NALCN: variants seen among roughly 807,000 people sequenced by gnomAD.
NALCN encodes sodium leak channel NALCN.
A neutral mutation model predicts 225.3 loss-of-function variants in NALCN; 111 were observed. The observed-to-expected ratio is 0.49, with a 90% confidence interval of 0.42 to 0.58. The LOEUF is 0.58. Ranked by LOEUF, NALCN falls within the 20% of genes least tolerant of loss-of-function variation. The pLI is 0.00. For synonymous variants in NALCN, 764 were observed against 769.0 expected (o/e 0.99, Z 0.11); for missense variants, 1,378 against 2,202.4 (o/e 0.63, Z 7.49).
chr13:101,228,147 C>T (rs1414512915), intron 13 of NALCN, among the ~76,000 whole-genome samples: 1 of 150,892 alleles, frequency 6.6e-6, no homozygotes, highest in Non-Finnish European at 1.5e-5. Context: ...GCTTTAAAGG[C>T]ACTCGACAAA....
At chr13:101,234,854 TCTACCTATCTATCTATC>T (rs2041491753) in intron 12 of NALCN, among the ~76,000 whole-genome samples, 2 of 84,744 alleles carry the variant, frequency 2.4e-5, no homozygotes, top group Non-Finnish European at 4.5e-5. Context: ...CTATCTATCA[TCTACCTATCTATCTATC>T]TATCATCTGT....
chr13:101,230,004 T>G (rs1323520068), intron 12 of NALCN, among the ~76,000 whole-genome samples: 2 of 152,206 alleles, frequency 1.3e-5, no homozygotes, highest in Non-Finnish European at 2.9e-5. Flanking sequence ...ACCTTTGCTT[T>G]ATGATGGTTC....
intron 20 of NALCN, 21 bp downstream of exon 20, chr13:101,110,598 A>G (rs1272064042): frequency 6.2e-7 from 1 of 1,613,126 alleles, no homozygotes; most frequent in East Asian, 2.2e-5. Flanking sequence ...TCTGAAATCC[A>G]AAGCATTGCT....
chr13:101,124,560 T>G, intron 18 of NALCN, 48 bp downstream of exon 18: 2 of 1,507,472 alleles, frequency 1.3e-6, no homozygotes, highest in Non-Finnish European at 1.8e-6. Flanking sequence ...TTTCGATTAA[T>G]ATAATCCCAC....
intron 10 of NALCN, 85 bp downstream of exon 10, chr13:101,283,848 G>T: frequency 2.6e-6 from 3 of 1,159,084 alleles, no homozygotes; most frequent in East Asian, 2.6e-5. Context: ...CAAATCTAGA[G>T]CTTAAAGAGC....
intron 10 of NALCN, among the ~76,000 whole-genome samples, chr13:101,278,052 C>T (rs929645944): frequency 1.3e-5 from 2 of 152,208 alleles, no homozygotes; most frequent in East Asian, 3.9e-4. Context: ...CAAAGTCCCA[C>T]TTTGAACAAA....
At chr13:101,274,826 G>A (rs2042919425) in intron 10 of NALCN, among the ~76,000 whole-genome samples, 1 of 152,072 alleles carries the variant, frequency 6.6e-6, no homozygotes. Context: ...ATAAGATTTA[G>A]AAGTTTGACA....
intron 1 of NALCN, among the ~76,000 whole-genome samples, chr13:101,400,580 T>TGCGCGC (rs1555347166): frequency 7.4e-6 from 1 of 135,664 alleles, no homozygotes; most frequent in Non-Finnish European, 1.5e-5. Flanking sequence ...TGTGTGTGTG[T>TGCGCGC]GCACGTGTGT....
At chr13:101,090,513 G>A (rs1382104693) in intron 28 of NALCN, among the ~76,000 whole-genome samples, 1 of 152,178 alleles carries the variant, frequency 6.6e-6, no homozygotes, top group Non-Finnish European at 1.5e-5. Context: ...CTGGAAAGTA[G>A]TGATGCATTT....
At chr13:101,328,486 A>G (rs183662839) in intron 7 of NALCN, among the ~76,000 whole-genome samples, 437 of 152,162 alleles carry the variant, frequency 2.9e-3, no homozygotes, top group Admixed American at 5.0e-3. Context: ...AAAGTACTGT[A>G]TATTTTTAAA....
chr13:101,417,085 A>G (rs1230369739), upstream of NALCN, among the ~76,000 whole-genome samples: 1 of 152,120 alleles, frequency 6.6e-6, no homozygotes, highest in Non-Finnish European at 1.5e-5. Context: ...TCAGAAATTG[A>G]CAGTCCCCCA....
At chr13:101,063,074 A>G (rs922730960) in intron 40 of NALCN, among the ~76,000 whole-genome samples, 6 of 152,228 alleles carry the variant, frequency 3.9e-5, no homozygotes, top group African/African-American at 1.4e-4. Context: ...GTCCACCACC[A>G]GAGGAGAAGA....
At chr13:101,090,396 A>C (rs1365266577) in intron 28 of NALCN, among the ~76,000 whole-genome samples, 1 of 152,228 alleles carries the variant, frequency 6.6e-6, no homozygotes. Context: ...TTTGTAACTG[A>C]AAATCTTTCG....
chr13:101,055,517 C>G (rs1224631559), intron 43 of NALCN, 29 bp from the exon 44 acceptor site: 2 of 1,590,618 alleles, frequency 1.3e-6, no homozygotes, highest in Admixed American at 1.7e-5. Context: ...CTATGAGCCA[C>G]TTGGTATTGC....
intron 18 of NALCN, among the ~76,000 whole-genome samples, chr13:101,121,509 T>C (rs540528751): frequency 1.3e-5 from 2 of 152,296 alleles, no homozygotes; most frequent in East Asian, 3.9e-4. Context: ...GGTCTCTTTT[T>C]CAAGCCTCCC....
chr13:101,347,821 T>C (rs564725840), intron 6 of NALCN, among the ~76,000 whole-genome samples: 5 of 152,332 alleles, frequency 3.3e-5, no homozygotes, highest in African/African-American at 1.2e-4. Flanking sequence ...TAATGCACTT[T>C]GCATAGCACC....
chr13:101,263,968 T>C (rs2042515449), intron 10 of NALCN, among the ~76,000 whole-genome samples: 2 of 152,244 alleles, frequency 1.3e-5, no homozygotes, highest in Non-Finnish European at 2.9e-5. Context: ...TTTAGATTCA[T>C]CCTTGTATCT....
intron 14 of NALCN, among the ~76,000 whole-genome samples, chr13:101,183,460 G>GAT (rs1566397258): frequency 2.0e-5 from 3 of 151,914 alleles, no homozygotes; most frequent in Non-Finnish European, 2.9e-5. Flanking sequence ...TTTCTATTGA[G>GAT]TGATTGATTG....
intron 11 of NALCN, among the ~76,000 whole-genome samples, chr13:101,249,369 G>A (rs567354166): frequency 2.2e-4 from 33 of 152,252 alleles, no homozygotes; most frequent in African/African-American, 7.9e-4. Flanking sequence ...GTTCCAGAGG[G>A]ACTTTATTCA....
Sources: allele counts gnomAD v4.1 joint callset (sites outside exome capture counted in the v4.1 genomes callset), GRCh38; gene constraint gnomAD v4.1.1; transcripts MANE v1.5; gene names NCBI Gene and HGNC (gene_info 2026-07-23, HGNC 2026-07-21).